Variants in ESRRG observed in about 807,000 individuals in gnomAD.
ESRRG encodes estrogen-related receptor gamma.
Under a neutral mutation model 44.0 loss-of-function variants are expected in ESRRG, and 13 were observed. The ratio of observed to expected loss-of-function variants is 0.30; its 90% confidence interval spans 0.19 to 0.47. ESRRG has a LOEUF of 0.47. Among genes scored for constraint, ESRRG ranks in the 20% least tolerant of loss-of-function variants. ESRRG has a pLI of 1.00. For synonymous variants in ESRRG, 215 were observed against 214.6 expected (o/e 1.00, Z -0.02); for missense variants, 395 against 580.6 (o/e 0.68, Z 3.29).
At chr1:216,732,017 T>A (rs563181702) in intron 2 of ESRRG, among the ~76,000 whole-genome samples, 2 of 152,156 alleles carry the variant, frequency 1.3e-5, no homozygotes, top group African/African-American at 4.8e-5. Context: ...TTTTTTTAAT[T>A]TTTATATGTT....
chr1:216,921,529 T>C (rs2061848305), intron 2 of ESRRG, among the ~76,000 whole-genome samples: 1 of 152,246 alleles, frequency 6.6e-6, no homozygotes, highest in African/African-American at 2.4e-5. Flanking sequence ...TACGGCACTC[T>C]GGTGACAGCC....
At chr1:217,052,408 C>T (rs572454217) in intron 1 of ESRRG, among the ~76,000 whole-genome samples, 12 of 152,274 alleles carry the variant, frequency 7.9e-5, no homozygotes, top group East Asian at 1.9e-4. Context: ...AGTGACTAAA[C>T]GCATCAACAT....
chr1:216,802,697 T>A (rs114787954), intron 2 of ESRRG, among the ~76,000 whole-genome samples: 1 of 152,132 alleles, frequency 6.6e-6, no homozygotes, highest in Non-Finnish European at 1.5e-5. Flanking sequence ...CAGATGTTTA[T>A]GCCCATCCTT....
At chr1:216,810,509 A>G (rs187257968) in intron 2 of ESRRG, among the ~76,000 whole-genome samples, 1 of 150,754 alleles carries the variant, frequency 6.6e-6, no homozygotes, top group Admixed American at 6.6e-5. Flanking sequence ...AATATATCTG[A>G]TAAAAAGACA....
intron 1 of ESRRG, among the ~76,000 whole-genome samples, chr1:216,943,935 GAC>G (rs1401537031): frequency 3.3e-5 from 5 of 152,110 alleles, no homozygotes; most frequent in Admixed American, 2.6e-4. Flanking sequence ...GTAGGGCAAA[GAC>G]AACTTCAGCT....
Position 216,612,994 on chromosome 1 carries a change from A to G in ESRRG, c.589+37979T>C, listed in dbSNP as rs1474773984. On this transcript the variant is annotated intron_variant, in intron 3 of 6. Coordinates refer to ENST00000408911, the MANE Select transcript of ESRRG (RefSeq NM_001438.4). ...ATTTTATTAGAACCATTACCAGTGA[A>G]GAAATTTTCAGCTTTTCGAATTGAA... Among the ~76,000 whole-genome samples, 4 of 152,328 alleles carry G rather than the reference A, an allele frequency of 2.6e-5. No homozygotes were observed. The East Asian group carries it at 7.7e-4, about 29-fold the overall frequency.
chr1:217,002,681 C>T (rs147115155), intron 1 of ESRRG, among the ~76,000 whole-genome samples: 3 of 152,048 alleles, frequency 2.0e-5, no homozygotes, highest in African/African-American at 7.2e-5. Flanking sequence ...TAGCTTTTAC[C>T]TTGTTCTCTT....
intron 2 of ESRRG, among the ~76,000 whole-genome samples, chr1:216,733,682 AT>A (rs933427843): frequency 6.6e-6 from 1 of 151,996 alleles, no homozygotes; most frequent in African/African-American, 2.4e-5. Flanking sequence ...TAGCAACACA[AT>A]CCACAGGGTA....
intron 2 of ESRRG, among the ~76,000 whole-genome samples, chr1:216,912,527 T>A (rs897576728): frequency 6.6e-6 from 1 of 152,158 alleles, no homozygotes; most frequent in Admixed American, 6.5e-5. Flanking sequence ...TACACATATC[T>A]TCACTCAAGT....
chr1:217,010,113 C>T (rs751461813), intron 1 of ESRRG, among the ~76,000 whole-genome samples: 13 of 152,114 alleles, frequency 8.5e-5, no homozygotes, highest in Admixed American at 3.3e-4. Flanking sequence ...AGAGATTTCA[C>T]TGTAGGGGGA....
intron 2 of ESRRG, among the ~76,000 whole-genome samples, chr1:216,819,329 A>C (rs554339051): frequency 6.6e-6 from 1 of 152,124 alleles, no homozygotes; most frequent in African/African-American, 2.4e-5. Flanking sequence ...AAGGAGGAAA[A>C]CCAACAAAAC....
intron 1 of ESRRG, among the ~76,000 whole-genome samples, chr1:216,996,946 T>C (rs2150585130): frequency 6.6e-6 from 1 of 151,964 alleles, no homozygotes; most frequent in East Asian, 1.9e-4. Context: ...ACATAATCTG[T>C]GAAAAAAAAT....
At chr1:216,680,399 A>G (rs2076829850) in intron 1 of ESRRG, among the ~76,000 whole-genome samples, 1 of 152,114 alleles carries the variant, frequency 6.6e-6, no homozygotes, top group African/African-American at 2.4e-5. Context: ...CAGAGCAGAA[A>G]TGTCTTGAAG....
chr1:217,049,625 G>A (rs1470916308), intron 1 of ESRRG, among the ~76,000 whole-genome samples: 2 of 152,176 alleles, frequency 1.3e-5, no homozygotes, highest in African/African-American at 4.8e-5. Context: ...AGATCTAGAG[G>A]TGAGTGTAGG....
At chr1:216,938,937 G>T (rs2064651489) in intron 2 of ESRRG, among the ~76,000 whole-genome samples, 1 of 152,174 alleles carries the variant, frequency 6.6e-6, no homozygotes, top group Non-Finnish European at 1.5e-5. Context: ...AAGGACCTGG[G>T]TCTAGGATAT....
chr1:216,761,278 A>T (rs1425818367), intron 2 of ESRRG, among the ~76,000 whole-genome samples: 2 of 151,924 alleles, frequency 1.3e-5, no homozygotes, highest in African/African-American at 2.4e-5. Context: ...GATCTTCTAG[A>T]GTCAGCTCTG....
At chr1:217,038,625 T>C (rs2083320407) in intron 1 of ESRRG, among the ~76,000 whole-genome samples, 1 of 152,192 alleles carries the variant, frequency 6.6e-6, no homozygotes, top group African/African-American at 2.4e-5. Context: ...CTAGGCTGCA[T>C]AGAGCAGGGG....
At chr1:216,987,039 C>T (rs560198935) in intron 1 of ESRRG, among the ~76,000 whole-genome samples, 1 of 152,192 alleles carries the variant, frequency 6.6e-6, no homozygotes, top group East Asian at 1.9e-4. Context: ...AAAGAAGAGG[C>T]AATCGAAGAG....
At chr1:216,584,237 T>C (rs1263807403) in intron 3 of ESRRG, among the ~76,000 whole-genome samples, 3 of 151,776 alleles carry the variant, frequency 2.0e-5, no homozygotes, top group Non-Finnish European at 4.4e-5. Flanking sequence ...TTTTTTTAAT[T>C]CTATTTTTTT....
Sources: allele counts gnomAD v4.1 joint callset (sites outside exome capture counted in the v4.1 genomes callset), GRCh38; gene constraint gnomAD v4.1.1; transcripts MANE v1.5; gene names NCBI Gene and HGNC (gene_info 2026-07-23, HGNC 2026-07-21).